The following ERC2 variants were observed in gnomAD, a reference collection of about 807,000 sequenced individuals.
ERC2 encodes the protein ERC protein 2.
Under a neutral mutation model 114.8 loss-of-function variants are expected in ERC2, and 42 were observed. The observed-to-expected ratio is 0.37, with a 90% confidence interval of 0.29 to 0.47. The LOEUF is 0.47. ERC2 is among the 20% of genes least tolerant of loss of function. ERC2 has a pLI of 0.99. For missense variants in ERC2, 939 were observed against 1,150.7 expected, an observed-to-expected ratio of 0.82 and a Z score of 2.66; for synonymous variants, 454 against 425.5, an observed-to-expected ratio of 1.07 and a Z score of -0.82.
chr3:56,134,811 C>T (rs1339418962), intron 6 of ERC2, among the ~76,000 whole-genome samples: 2 of 152,116 alleles, frequency 1.3e-5, no homozygotes, highest in Non-Finnish European at 2.9e-5. Context: ...TCATATAACA[C>T]ATCTTGGAAA....
chr3:55,839,879 T>G (rs1041684708), intron 14 of ERC2, among the ~76,000 whole-genome samples: 3 of 152,016 alleles, frequency 2.0e-5, no homozygotes, highest in Non-Finnish European at 4.4e-5. Context: ...AGTACCTCAA[T>G]TAAAATGCAA....
At chr3:56,086,452 G>C (rs2077507518) in intron 6 of ERC2, among the ~76,000 whole-genome samples, 1 of 150,490 alleles carries the variant, frequency 6.6e-6, no homozygotes, top group Non-Finnish European at 1.5e-5. Flanking sequence ...CCTTCACTCT[G>C]TCTTTAAAGT....
At chr3:55,633,727 A>C (rs1463816173) in intron 17 of ERC2, among the ~76,000 whole-genome samples, 2 of 152,174 alleles carry the variant, frequency 1.3e-5, no homozygotes, top group Non-Finnish European at 2.9e-5. Context: ...GCCTTTATGG[A>C]GCTTACATTC....
chr3:55,714,401 G>A (rs1000504949), intron 15 of ERC2, among the ~76,000 whole-genome samples: 5 of 151,982 alleles, frequency 3.3e-5, no homozygotes, highest in African/African-American at 9.7e-5. Flanking sequence ...CAGTTAATGA[G>A]AAGTAACCAA....
chr3:55,783,153 G>A (rs1029114120), intron 14 of ERC2, among the ~76,000 whole-genome samples: 2 of 152,170 alleles, frequency 1.3e-5, no homozygotes, highest in African/African-American at 4.8e-5. Context: ...AATACTTACC[G>A]AAGCCTGAAA....
intron 6 of ERC2, among the ~76,000 whole-genome samples, chr3:56,109,988 T>C (rs2078874002): frequency 6.6e-6 from 1 of 152,036 alleles, no homozygotes; most frequent in African/African-American, 2.4e-5. Context: ...TGGGGGTAAA[T>C]GTCTGCATTA....
chr3:55,535,732 G>A (rs908577566), intron 17 of ERC2, among the ~76,000 whole-genome samples: 1 of 152,184 alleles, frequency 6.6e-6, no homozygotes, highest in Non-Finnish European at 1.5e-5. Context: ...GGGCGTGGTC[G>A]CCTATTATCC....
intron 17 of ERC2, among the ~76,000 whole-genome samples, chr3:55,572,266 C>T (rs984780429): frequency 3.9e-5 from 6 of 152,232 alleles, no homozygotes; most frequent in Non-Finnish European, 8.8e-5. Context: ...TCACCCACTT[C>T]TGTTCACCTC....
intron 14 of ERC2, among the ~76,000 whole-genome samples, chr3:55,887,758 C>T (rs535123713): frequency 6.6e-6 from 1 of 152,330 alleles, no homozygotes; most frequent in African/African-American, 2.4e-5. Context: ...CACTCAGCCC[C>T]ATGTCATTGA....
At chr3:55,899,615 GC>G (rs1285129459) in intron 13 of ERC2, among the ~76,000 whole-genome samples, 1 of 152,102 alleles carries the variant, frequency 6.6e-6, no homozygotes, top group African/African-American at 2.4e-5. Flanking sequence ...TAAACACTAA[GC>G]AAAAAGATTT....
At chr3:56,303,594 T>C (rs925737835) in intron 2 of ERC2, among the ~76,000 whole-genome samples, 7 of 152,176 alleles carry the variant, frequency 4.6e-5, no homozygotes, top group African/African-American at 1.7e-4. Context: ...TAGTTGAGCT[T>C]ACAAGGAAGT....
intron 7 of ERC2, among the ~76,000 whole-genome samples, chr3:56,032,901 CAGAAAGAA>C (rs200940238): frequency 0.026 from 968 of 36,830 alleles, 43 homozygotes; most frequent in African/African-American, 0.039. Flanking sequence ...GAGAGAGAGA[CAGAAAGAA>C]AGAAAGAAAG....
chr3:55,704,946 G>A (rs2063406758), intron 15 of ERC2, among the ~76,000 whole-genome samples: 1 of 152,158 alleles, frequency 6.6e-6, no homozygotes, highest in Admixed American at 6.5e-5. Flanking sequence ...GCTATTCTTG[G>A]GGCCCTCTTT....
intron 3 of ERC2, among the ~76,000 whole-genome samples, chr3:56,205,092 T>C (rs545223260): frequency 6.6e-6 from 1 of 152,252 alleles, no homozygotes; most frequent in African/African-American, 2.4e-5. Context: ...GCTTGCCTCA[T>C]GTAGAATCTC....
chr3:55,931,700 A>G (rs1037681370), intron 13 of ERC2, among the ~76,000 whole-genome samples: 2 of 152,090 alleles, frequency 1.3e-5, no homozygotes, highest in Admixed American at 1.3e-4. Flanking sequence ...ATGTATACCT[A>G]TGTAATAAAC....
At position 56,326,718 on chromosome 3, in the gene ERC2, G is replaced by T. The variant is rs371985962; in HGVS notation, c.658-30283C>A. The stretch of plus-strand genomic sequence containing the variant: ...ACATGACCCAATATTTCAGAATGAG[G>T]TTCCCTCAGCAGAGTTGGTGGGCTG... On this transcript the variant is annotated intron_variant, in intron 2 of 17. Coordinates refer to ENST00000288221, the MANE Select transcript of ERC2 (RefSeq NM_015576.3). 3.0e-4 allele frequency among the ~76,000 whole-genome samples: 46 copies of T among 152,268 alleles called. 2 individuals are homozygous for T. The South Asian group carries it at 9.3e-3, about 31-fold the overall frequency.
intron 17 of ERC2, among the ~76,000 whole-genome samples, chr3:55,628,748 G>A (rs1048096666): frequency 5.3e-5 from 8 of 152,292 alleles, no homozygotes; most frequent in African/African-American, 1.9e-4. Context: ...CAGGAACCTG[G>A]CTATTAAGAA....
intron 2 of ERC2, among the ~76,000 whole-genome samples, chr3:56,432,945 G>A (rs959425731): frequency 1.3e-5 from 2 of 152,066 alleles, no homozygotes; most frequent in Non-Finnish European, 2.9e-5. Flanking sequence ...CTAGAACTTT[G>A]GAATTACTCC....
chr3:56,453,315 T>G (rs1356007961), intron 1 of ERC2, among the ~76,000 whole-genome samples: 1 of 152,210 alleles, frequency 6.6e-6, no homozygotes, highest in African/African-American at 2.4e-5. Flanking sequence ...ACCATGAAGA[T>G]AGGCTGTCCA....
Sources: gnomAD v4.1 joint callset for allele counts (sites outside exome capture counted in the v4.1 genomes callset) on GRCh38, gnomAD v4.1.1 for gene constraint, MANE v1.5 for transcripts, NCBI Gene and HGNC (gene_info 2026-07-23, HGNC 2026-07-21) for gene names.